The following CAB39L variants were observed in gnomAD, a reference collection of about 807,000 sequenced individuals.
CAB39L encodes calcium-binding protein 39-like.
Under a neutral mutation model 39.1 loss-of-function variants are expected in CAB39L, and 23 were observed. The observed-to-expected ratio is 0.59, with a 90% CI of 0.42 to 0.83. CAB39L has a LOEUF of 0.83. Ranked by LOEUF, CAB39L falls within the 40% of genes least tolerant of loss-of-function variation. The probability of loss-of-function intolerance (pLI) is 0.00; values close to 1 mark genes in which losing one functional copy is unlikely to be tolerated. For synonymous variants in CAB39L, 126 were observed against 137.2 expected, an observed-to-expected ratio of 0.92 and a Z score of 0.57; for missense variants, 366 against 391.9, an observed-to-expected ratio of 0.93 and a Z score of 0.56.
At chr13:49,399,554 C>T (rs761622795) in intron 3 of CAB39L, among the ~76,000 whole-genome samples, 9 of 152,138 alleles carry the variant, frequency 5.9e-5, no homozygotes, top group Non-Finnish European at 1.2e-4. Flanking sequence ...CTATAATAAA[C>T]GCCCAACAGT....
intron 5 of CAB39L, among the ~76,000 whole-genome samples, chr13:49,361,422 G>A (rs1407619472): frequency 7.9e-6 from 1 of 126,162 alleles, no homozygotes; most frequent in East Asian, 2.6e-4. Flanking sequence ...AGGTTGCAGT[G>A]AACCGAGATC....
intron 1 of CAB39L, among the ~76,000 whole-genome samples, chr13:49,439,133 T>C (rs1957462044): frequency 6.6e-6 from 1 of 152,210 alleles, no homozygotes; most frequent in African/African-American, 2.4e-5. Flanking sequence ...GTGATGTATA[T>C]TCACTCTTGG....
At chr13:49,342,156 C>T (rs1197126561) in intron 8 of CAB39L, among the ~76,000 whole-genome samples, 1 of 152,038 alleles carries the variant, frequency 6.6e-6, no homozygotes, top group African/African-American at 2.4e-5. Context: ...TATGTTGCAA[C>T]CTTTGTCTAG....
chr13:49,403,748 C>T (rs1335336776), intron 3 of CAB39L, among the ~76,000 whole-genome samples: 1 of 151,754 alleles, frequency 6.6e-6, no homozygotes, highest in East Asian at 1.9e-4. Flanking sequence ...ACAAATAAGG[C>T]CAACTAAGAT....
intron 7 of CAB39L, among the ~76,000 whole-genome samples, chr13:49,350,411 T>C (rs566464248): frequency 6.6e-6 from 1 of 152,348 alleles, no homozygotes; most frequent in Non-Finnish European, 1.5e-5. Context: ...ATATGTACCT[T>C]AAGTGGAAGC....
chr13:49,429,662 T>C (rs7990958), intron 3 of CAB39L, among the ~76,000 whole-genome samples: 4,135 of 152,322 alleles, frequency 0.027, 171 homozygotes, highest in African/African-American at 0.093. Flanking sequence ...CTAAAGATGC[T>C]ACCAGCATGA....
chr13:49,315,109 G>T (rs898331630), intron 10 of CAB39L, among the ~76,000 whole-genome samples: 1 of 152,218 alleles, frequency 6.6e-6, no homozygotes, highest in Non-Finnish European at 1.5e-5. Flanking sequence ...ATTTAGTTCT[G>T]AAATTGTTCA....
At chr13:49,410,409 T>A (rs1009993685) in intron 3 of CAB39L, among the ~76,000 whole-genome samples, 1 of 152,204 alleles carries the variant, frequency 6.6e-6, no homozygotes, top group African/African-American at 2.4e-5. Flanking sequence ...ATTTTCCAAG[T>A]TTTTACAAAT....
intron 1 of CAB39L, among the ~76,000 whole-genome samples, chr13:49,438,821 C>A (rs990013156): frequency 1.3e-5 from 2 of 152,186 alleles, no homozygotes; most frequent in African/African-American, 4.8e-5. Flanking sequence ...TACATTTAAA[C>A]CTACTTTAAT....
intron 10 of CAB39L, among the ~76,000 whole-genome samples, chr13:49,326,699 G>C (rs1457443607): frequency 6.6e-6 from 1 of 152,158 alleles, no homozygotes; most frequent in Non-Finnish European, 1.5e-5. Context: ...GCCGGGGTAC[G>C]GGGCAGGCCA....
intron 3 of CAB39L, among the ~76,000 whole-genome samples, chr13:49,411,992 G>T (rs12184783): frequency 6.6e-6 from 1 of 151,940 alleles, no homozygotes; most frequent in Non-Finnish European, 1.5e-5. Context: ...ACTGCCACTG[G>T]ACTCTCTTCC....
rs1372694613 is a variant in CAB39L at position 49,378,410 on chromosome 13, T to TG, written c.112-1280dup. 2.5e-4 allele frequency among the ~76,000 whole-genome samples: 10 copies of TG among 39,752 alleles called. 1 individual carries two copies. The highest frequency in any genetic ancestry group is 4.8e-4 in the East Asian group (1 of 2,102). 26.1% of individuals were successfully genotyped at this position (39,752 alleles called of 152,430 possible). The stretch of plus-strand genomic sequence containing the variant: ...CCAGCCGTGCCGTCCGGGAGGGAGG[T>TG]GGGGGGGTCAGCCCCCCGCCCGGCC... On this transcript the variant is annotated intron_variant, in intron 4 of 10. Coordinates refer to ENST00000409308, the MANE Select transcript of CAB39L (RefSeq NM_001079670.3).
chr13:49,346,100 G>GAGATATATATATAT lies in CAB39L; in HGVS notation c.565-1863_565-1862insATATATATATATCT, dbSNP rs1555254610. Among the ~76,000 whole-genome samples, 62 of 30,920 alleles carry GAGATATATATATAT rather than the reference G, an allele frequency of 2.0e-3. 5 individuals carry two copies. The highest frequency in any genetic ancestry group is 2.9e-3 in the South Asian group (3 of 1,026). The allele number at this position is 30,920 out of a possible 152,430, so 20.3% of individuals were successfully genotyped here. A position where few individuals can be genotyped will look rare whatever the true frequency, so the allele number is the denominator to read the frequency against. On this transcript the variant is annotated intron_variant, in intron 7 of 10. Transcript: ENST00000409308. The stretch of plus-strand genomic sequence containing the variant: ...GATATATATATATATATATATGCTA[G>GAGATATATATATAT]ATATATATATATATATATATATATC...
At chr13:49,313,027 GA>G (rs1229067303) in intron 10 of CAB39L, among the ~76,000 whole-genome samples, 1 of 152,140 alleles carries the variant, frequency 6.6e-6, no homozygotes, top group Non-Finnish European at 1.5e-5. Flanking sequence ...CATATAGTAT[GA>G]AAGAGCTTAT....
chr13:49,406,310 G>A (rs1956876176), intron 3 of CAB39L, among the ~76,000 whole-genome samples: 1 of 150,198 alleles, frequency 6.7e-6, no homozygotes, highest in Non-Finnish European at 1.5e-5. Context: ...TGAGATTACA[G>A]GCATCCGCCA....
intron 3 of CAB39L, among the ~76,000 whole-genome samples, chr13:49,427,661 C>T (rs1445003712): frequency 6.6e-6 from 1 of 152,150 alleles, no homozygotes; most frequent in African/African-American, 2.4e-5. Context: ...TGCACTCCAG[C>T]CTGGGCAACA....
At chr13:49,343,619 A>AGAGAGAG (rs1225539440) in intron 8 of CAB39L, among the ~76,000 whole-genome samples, 1 of 151,394 alleles carries the variant, frequency 6.6e-6, no homozygotes, top group Non-Finnish European at 1.5e-5. Flanking sequence ...AGGAGGGAGA[A>AGAGAGAG]GAGAGAGGAG....
intron 10 of CAB39L, among the ~76,000 whole-genome samples, chr13:49,328,096 A>G (rs1248412617): frequency 6.6e-6 from 1 of 152,228 alleles, no homozygotes; most frequent in Non-Finnish European, 1.5e-5. Context: ...CCCCTTATGC[A>G]CACATCCAAG....
intron 4 of CAB39L, among the ~76,000 whole-genome samples, chr13:49,379,706 T>TAAAAAA (rs1382569023): frequency 6.9e-5 from 2 of 28,800 alleles, no homozygotes; most frequent in African/African-American, 3.3e-4. Flanking sequence ...AAAATAAATT[T>TAAAAAA]AAAAAAAAAA....
Sources: gnomAD v4.1 joint callset for allele counts (sites outside exome capture counted in the v4.1 genomes callset) on GRCh38, gnomAD v4.1.1 for gene constraint, MANE v1.5 for transcripts, NCBI Gene and HGNC (gene_info 2026-07-23, HGNC 2026-07-21) for gene names.